Variants in KIAA1549 observed in about 807,000 individuals in gnomAD.
KIAA1549 encodes KIAA1549.
A neutral mutation model predicts 156.4 loss-of-function variants in KIAA1549; 70 were observed. That is an observed-to-expected ratio of 0.45 (90% confidence interval 0.37 to 0.55). KIAA1549 has a LOEUF of 0.55. Ranked by LOEUF, KIAA1549 falls within the 20% of genes least tolerant of loss-of-function variation. The probability of loss-of-function intolerance (pLI) is 0.00; values close to 1 mark genes in which losing one functional copy is unlikely to be tolerated. For synonymous variants in KIAA1549, 1,103 were observed against 1,066.4 expected (o/e 1.03, Z -0.67); for missense variants, 2,428 against 2,540.9 (o/e 0.96, Z 0.96).
At chr7:138,949,368 A>G (rs1813428268) in intron 1 of KIAA1549, among the ~76,000 whole-genome samples, 1 of 152,226 alleles carries the variant, frequency 6.6e-6, no homozygotes, top group African/African-American at 2.4e-5. Flanking sequence ...ATGTTCTGTC[A>G]TATAGACGAA....
rs542756290 is a variant in KIAA1549, at chr7:138,916,839, G to A, written c.2787C>T (p.Leu929=). Residue 929 remains leucine (L), a synonymous_variant, in exon 2 of 20, where the codon CTC becomes CTT. Coordinates refer to ENST00000422774, the MANE Select transcript of KIAA1549 (RefSeq NM_001164665.2). ...PSLRPVTAFT[L]EATVDTPTLA... ...GTGTTGGTGTGTCGACTGTTGCTTC[G>A]AGAGTGAAGGCAGTCACGGGACGCA... is the stretch of plus-strand genomic sequence containing the variant. The A allele has an allele frequency of 6.2e-6, 10 of 1,613,944 alleles. No individual in the cohort carries two copies. The highest frequency in any genetic ancestry group is 1.6e-4 in the Middle Eastern group (1 of 6,062).
intron 1 of KIAA1549, among the ~76,000 whole-genome samples, chr7:138,938,884 C>T (rs1377693088): frequency 6.6e-6 from 1 of 152,064 alleles, no homozygotes; most frequent in Admixed American, 6.6e-5. Flanking sequence ...CCTGTGTCTA[C>T]TAAAAACACA....
chr7:138,854,418 G>A (rs1187687932), intron 16 of KIAA1549, among the ~76,000 whole-genome samples: 1 of 152,132 alleles, frequency 6.6e-6, no homozygotes, highest in African/African-American at 2.4e-5. Context: ...ACTATCACGT[G>A]GCCTGACTCA....
Position 138,871,367 on chromosome 7 carries a change from A to G in KIAA1549, c.4346-5T>C, listed in dbSNP as rs1810933634. 6.6e-7 allele frequency: 1 copy of G among 1,509,130 alleles called. No individual in the cohort carries two copies. Among genetic ancestry groups the G allele is most frequent in the Non-Finnish European group, 8.8e-7 (1 of 1,130,836 alleles). 93.5% of individuals were successfully genotyped at this position (1,509,130 alleles called of 1,614,324 possible). ...CCGAACTGGGCAGTGGTGGCCCTGG[A>G]ACAGAAGGAAAAGCAAAACACATAC... On this transcript the variant is annotated splice_polypyrimidine_tract_variant and splice_region_variant and intron_variant, in intron 12 of 19. Coordinates refer to ENST00000422774, the MANE Select transcript of KIAA1549 (RefSeq NM_001164665.2).
At chr7:138,967,351 G>C (rs1466673960) in intron 1 of KIAA1549, among the ~76,000 whole-genome samples, 2 of 152,182 alleles carry the variant, frequency 1.3e-5, no homozygotes, top group African/African-American at 4.8e-5. Flanking sequence ...GTTAGGGAAG[G>C]CCTCCCTGAT....
rs9718758 is a variant in KIAA1549, at chr7:138,940,165, T to A, written c.188-20727A>T. ...ATCTCCCAATGCTATCCCTCCCCGC[T>A]CCCCCCACCCCACAACAGGCCCCGG... is the stretch of plus-strand genomic sequence containing the variant. On this transcript the variant is annotated intron_variant, in intron 1 of 19. Transcript: ENST00000422774. Among the ~76,000 whole-genome samples, 1,225 of 150,678 alleles carry A rather than the reference T, an allele frequency of 8.1e-3. 21 individuals are homozygous for A. Among genetic ancestry groups the A allele is most frequent in the African/African-American group, 0.029 (1,178 of 41,126 alleles).
At chr7:138,975,847 T>TG (rs1372787969) in intron 1 of KIAA1549, among the ~76,000 whole-genome samples, 1 of 152,188 alleles carries the variant, frequency 6.6e-6, no homozygotes, top group Non-Finnish European at 1.5e-5. Context: ...AGGGCACTGA[T>TG]AGAAAACCTG....
intron 1 of KIAA1549, among the ~76,000 whole-genome samples, chr7:138,940,239 C>T (rs937072763): frequency 5.3e-5 from 8 of 149,892 alleles, no homozygotes; most frequent in Non-Finnish European, 1.2e-4. Context: ...TGTTCAATTC[C>T]CACCTATGAG....
intron 1 of KIAA1549, among the ~76,000 whole-genome samples, chr7:138,958,504 T>C (rs1451842973): frequency 1.3e-5 from 2 of 152,182 alleles, no homozygotes; most frequent in Admixed American, 6.5e-5. Flanking sequence ...GCCACAGAAG[T>C]GGAAACTGAC....
At chr7:138,843,413 G>A (rs1015096194) in intron 18 of KIAA1549, among the ~76,000 whole-genome samples, 3 of 152,052 alleles carry the variant, frequency 2.0e-5, no homozygotes, top group South Asian at 2.1e-4. Context: ...CTTCTTGATC[G>A]TGAGGTGCTG....
At chr7:138,919,471 T>C (rs1431306102) in intron 1 of KIAA1549, 33 bp from the exon 2 acceptor site, 4 of 1,589,216 alleles carry the variant, frequency 2.5e-6, no homozygotes, top group Non-Finnish European at 1.7e-6. Context: ...GTTAGTGCAA[T>C]GCATTGGAAG....
chr7:138,858,651 T>C (rs890930094), intron 16 of KIAA1549, among the ~76,000 whole-genome samples: 2 of 152,080 alleles, frequency 1.3e-5, no homozygotes, highest in Non-Finnish European at 2.9e-5. Context: ...TGATGTTGCA[T>C]GAATTATGCA....
chr7:138,887,862 A>G (rs990490826), intron 10 of KIAA1549, among the ~76,000 whole-genome samples: 3 of 152,100 alleles, frequency 2.0e-5, no homozygotes, highest in African/African-American at 2.4e-5. Context: ...AGGAGGTGGC[A>G]GCAGCAGCAG....
chr7:138,854,833 A>G (rs1356692560), intron 16 of KIAA1549, among the ~76,000 whole-genome samples: 2 of 152,190 alleles, frequency 1.3e-5, no homozygotes, highest in African/African-American at 2.4e-5. Context: ...GGAATCCTGG[A>G]TCTGCAACAC....
intron 7 of KIAA1549, 113 bp from the exon 8 acceptor site, chr7:138,903,849 G>C (rs1429084789): frequency 1.6e-5 from 7 of 450,258 alleles, no homozygotes; most frequent in Non-Finnish European, 1.9e-5. Context: ...GTGTGTGTGT[G>C]TGTGCGCGCG....
chr7:138,868,226 T>G, intron 14 of KIAA1549, 98 bp from the exon 15 acceptor site: 1 of 1,218,962 alleles, frequency 8.2e-7, no homozygotes, highest in East Asian at 2.5e-5. Context: ...TAGGATGTGC[T>G]ACCCCTGGAA....
intron 15 of KIAA1549, among the ~76,000 whole-genome samples, chr7:138,864,727 C>T (rs982270056): frequency 2.0e-5 from 3 of 152,122 alleles, no homozygotes; most frequent in Non-Finnish European, 4.4e-5. Flanking sequence ...TGTTGTCCCA[C>T]GGTCATTATT....
chr7:138,904,979 C>A (rs1310901711), intron 7 of KIAA1549, 43 bp downstream of exon 7: 1 of 1,277,006 alleles, frequency 7.8e-7, no homozygotes, highest in East Asian at 2.5e-5. Flanking sequence ...GCATAGACTT[C>A]TTCTCCTTAC....
intron 1 of KIAA1549, among the ~76,000 whole-genome samples, chr7:138,923,368 A>G (rs1450835045): frequency 6.6e-6 from 1 of 152,250 alleles, no homozygotes; most frequent in African/African-American, 2.4e-5. Flanking sequence ...TGGGAGGCCA[A>G]GGCAGGTGGA....
Sources: gnomAD v4.1 joint callset for allele counts (sites outside exome capture counted in the v4.1 genomes callset) on GRCh38, gnomAD v4.1.1 for gene constraint, MANE v1.5 for transcripts, NCBI Gene and HGNC (gene_info 2026-07-23, HGNC 2026-07-21) for gene names.